The following LRP1B variants were observed in gnomAD, a reference collection of about 807,000 sequenced individuals.
LRP1B encodes the protein low-density lipoprotein receptor-related protein 1B.
A neutral mutation model predicts 556.6 loss-of-function variants in LRP1B; 217 were observed. The ratio of observed to expected loss-of-function variants is 0.39; its 90% CI spans 0.35 to 0.44. The LOEUF (loss-of-function observed/expected upper bound fraction) is 0.44. Among genes scored for constraint, LRP1B ranks in the 20% least tolerant of loss-of-function variants. The pLI is 1.00. For synonymous variants in LRP1B, 2,047 were observed against 1,865.8 expected, an observed-to-expected ratio of 1.10 and a Z score of -2.50; for missense variants, 5,053 against 5,620.8, an observed-to-expected ratio of 0.90 and a Z score of 3.23.
chr2:141,136,433 C>T (rs933265730), intron 7 of LRP1B, among the ~76,000 whole-genome samples: 1 of 151,738 alleles, frequency 6.6e-6, no homozygotes, highest in African/African-American at 2.4e-5. Context: ...TTAATCTATA[C>T]AAACAAACTT....
At chr2:141,928,396 C>A (rs1700394855) in intron 1 of LRP1B, among the ~76,000 whole-genome samples, 1 of 151,952 alleles carries the variant, frequency 6.6e-6, no homozygotes, top group African/African-American at 2.4e-5. Flanking sequence ...AAAATAAAAC[C>A]TGTAGACCAT....
intron 3 of LRP1B, among the ~76,000 whole-genome samples, chr2:141,259,548 G>C (rs771435664): frequency 6.6e-6 from 1 of 152,274 alleles, no homozygotes; most frequent in Non-Finnish European, 1.5e-5. Context: ...AGCCATCTGG[G>C]TGCAGGGAAT....
At chr2:141,936,658 A>G (rs1296436333) in intron 1 of LRP1B, among the ~76,000 whole-genome samples, 1 of 152,184 alleles carries the variant, frequency 6.6e-6, no homozygotes, top group African/African-American at 2.4e-5. Flanking sequence ...ACTTTTTCTT[A>G]GGAACTGCCA....
At chr2:140,419,240 T>C (rs762015852) in intron 66 of LRP1B, among the ~76,000 whole-genome samples, 8 of 152,170 alleles carry the variant, frequency 5.3e-5, no homozygotes, top group Admixed American at 1.3e-4. Context: ...GATGAATCAG[T>C]TCATCAAGAG....
intron 41 of LRP1B, among the ~76,000 whole-genome samples, chr2:140,602,255 C>T (rs1682703579): frequency 6.6e-6 from 1 of 151,760 alleles, no homozygotes; most frequent in Non-Finnish European, 1.5e-5. Flanking sequence ...CTAAAGCATG[C>T]TTTAAATGTC....
intron 72 of LRP1B, among the ~76,000 whole-genome samples, chr2:140,359,847 C>T (rs939534544): frequency 1.3e-5 from 2 of 151,462 alleles, no homozygotes; most frequent in Admixed American, 1.3e-4. Context: ...TTCTCAAACA[C>T]GTTTTATTTC....
chr2:141,120,725 A>G (rs746172775), intron 7 of LRP1B, among the ~76,000 whole-genome samples: 2 of 151,990 alleles, frequency 1.3e-5, no homozygotes, highest in Non-Finnish European at 2.9e-5. Flanking sequence ...TAAAAGAAGA[A>G]TATGTGAAAC....
At chr2:141,466,830 A>C (rs144516239) in intron 3 of LRP1B, among the ~76,000 whole-genome samples, 7 of 152,086 alleles carry the variant, frequency 4.6e-5, no homozygotes, top group African/African-American at 1.4e-4. Context: ...ATATGAAAGA[A>C]AATGTAAAAT....
At chr2:141,626,815 T>C (rs748890379) in intron 2 of LRP1B, among the ~76,000 whole-genome samples, 5 of 152,178 alleles carry the variant, frequency 3.3e-5, no homozygotes, top group African/African-American at 7.2e-5. Flanking sequence ...CAGACAGGAA[T>C]GCGGAGCAAT....
chr2:141,720,168 T>C (rs1692763080), intron 2 of LRP1B, among the ~76,000 whole-genome samples: 1 of 152,174 alleles, frequency 6.6e-6, no homozygotes, highest in African/African-American at 2.4e-5. Context: ...GTCATCTATC[T>C]GTGCTGAACA....
intron 60 of LRP1B, among the ~76,000 whole-genome samples, chr2:140,464,866 C>T (rs1687477512): frequency 6.6e-6 from 1 of 152,260 alleles, no homozygotes; most frequent in East Asian, 1.9e-4. Context: ...TAGTTGTTTA[C>T]ATGAGTTTAG....
At position 140,850,270 on chromosome 2, in the gene LRP1B, T is replaced by C. The variant is rs1325691505; in HGVS notation, c.4771A>G (p.Asn1591Asp). 6.2e-7 allele frequency: 1 copy of C among 1,613,768 alleles called. No individual in the cohort carries two copies. The highest frequency in any genetic ancestry group is 1.3e-5 in the African/African-American group (1 of 75,046). The change falls in exon 29 of 91, where the codon AAT (asparagine) becomes GAT (aspartate). Residue 1591 changes from asparagine (N) to aspartate (D), a missense_variant. Physicochemically the swap from Asn to Asp is conservative, Grantham distance 23 (BLOSUM62 1). Around this residue, in one of 5 missense-constraint regions of LRP1B, gnomAD observed 3,619 missense variants for 3,931.9 expected, o/e 0.92. Coordinates refer to ENST00000389484, the MANE Select transcript of LRP1B (RefSeq NM_018557.3). ...RSEIRGVDID[N>D]PYFNFITAFT... ...GCCGTGATGAAGTTAAAGTATGGAT[T>C]GTCAATATCCACTCCTCTGATTTCA...
chr2:140,875,738 A>G (rs1693284705), intron 25 of LRP1B, among the ~76,000 whole-genome samples: 2 of 152,174 alleles, frequency 1.3e-5, no homozygotes, highest in South Asian at 4.1e-4. Flanking sequence ...TATAAAAATT[A>G]TACAGGAAGC....
chr2:140,676,480 T>C (rs970218654), intron 41 of LRP1B, among the ~76,000 whole-genome samples: 1 of 152,162 alleles, frequency 6.6e-6, no homozygotes, highest in Non-Finnish European at 1.5e-5. Flanking sequence ...TTTATTTCCT[T>C]CCAACAGATT....
chr2:141,544,317 T>G (rs1045038820), intron 2 of LRP1B, among the ~76,000 whole-genome samples: 1 of 31,870 alleles, frequency 3.1e-5, no homozygotes, highest in African/African-American at 1.7e-4. Context: ...CTTCTTCTTC[T>G]TCTTCTTCTT....
chr2:140,756,922 G>C (rs756389055), intron 35 of LRP1B, among the ~76,000 whole-genome samples: 1 of 151,936 alleles, frequency 6.6e-6, no homozygotes, highest in East Asian at 1.9e-4. Context: ...TCTTACAAGG[G>C]AGTTTTATCT....
intron 3 of LRP1B, among the ~76,000 whole-genome samples, chr2:141,372,927 T>C (rs1003564359): frequency 1.3e-5 from 2 of 152,080 alleles, no homozygotes; most frequent in Non-Finnish European, 2.9e-5. Flanking sequence ...TTCGTTCTTG[T>C]TTTTTCCAGT....
intron 2 of LRP1B, among the ~76,000 whole-genome samples, chr2:141,804,236 T>C (rs1696100264): frequency 6.6e-6 from 1 of 152,088 alleles, no homozygotes. Flanking sequence ...CAAAGAAATG[T>C]ATACTCTGCT....
chr2:140,314,851 T>A (rs2105035765), intron 83 of LRP1B, 84 bp downstream of exon 83: 2 of 912,276 alleles, frequency 2.2e-6, no homozygotes, highest in Non-Finnish European at 3.3e-6. Flanking sequence ...TATTAGGAAG[T>A]ATATTTGTAA....
Sources: gnomAD v4.1 joint callset for allele counts (sites outside exome capture counted in the v4.1 genomes callset) on GRCh38, gnomAD v4.1.1 for gene constraint, gnomAD v4.1.1 regional missense constraint, MANE v1.5 for transcripts, NCBI Gene and HGNC (gene_info 2026-07-23, HGNC 2026-07-21) for gene names.